The following CAMSAP3 variants were observed in gnomAD, a reference collection of about 807,000 sequenced individuals.
The protein encoded by CAMSAP3 is calmodulin regulated spectrin associated protein family member 3.
A neutral mutation model predicts 112.5 loss-of-function variants in CAMSAP3; 34 were observed. The observed-to-expected ratio is 0.30, with a 90% CI of 0.23 to 0.40. The LOEUF is 0.40. Among genes scored for constraint, CAMSAP3 ranks in the 10% least tolerant of loss-of-function variants. The pLI is 1.00. For synonymous variants in CAMSAP3, 868 were observed against 799.8 expected (o/e 1.09, Z -1.44); for missense variants, 1,602 against 1,770.3 (o/e 0.90, Z 1.71).
At chr19:7,602,965 G>A (rs1371589329) in intron 1 of CAMSAP3, among the ~76,000 whole-genome samples, 1 of 152,028 alleles carries the variant, frequency 6.6e-6, no homozygotes, top group African/African-American at 2.4e-5. Context: ...GAGGAAGTGA[G>A]CCTGAAATAC....
At chr19:7,608,766 C>G (rs1474686460) in intron 5 of CAMSAP3, among the ~76,000 whole-genome samples, 1 of 151,224 alleles carries the variant, frequency 6.6e-6, no homozygotes, top group Admixed American at 6.6e-5. Context: ...TCCTGAGTAG[C>G]TGGGACTACA....
At chr19:7,605,201 G>T in intron 1 of CAMSAP3, 25 bp from the exon 2 acceptor site, 1 of 1,421,842 alleles carries the variant, frequency 7.0e-7, no homozygotes, top group Non-Finnish European at 9.4e-7. Context: ...CCTGACCCCC[G>T]TGTTTCCCCT....
At position 7,615,180 on chromosome 19, in the gene CAMSAP3, C is replaced by G. The variant is rs771179628; in HGVS notation, c.2671-3C>G. The G allele has an allele frequency of 6.4e-7, 1 of 1,554,676 alleles. No homozygotes were observed. The highest frequency in any genetic ancestry group is 8.7e-7 in the Non-Finnish European group (1 of 1,149,494). The stretch of plus-strand genomic sequence containing the variant: ...GCTGGCTGGACTCGGCGTCTGTCCC[C>G]AGGATGAAGACAAGCCTGAGGACGA... On this transcript the variant is annotated splice_region_variant and splice_polypyrimidine_tract_variant and intron_variant, in intron 11 of 16. Transcript: ENST00000160298. The surrounding 1 kb of genome is among the most constrained non-coding windows in gnomAD (Gnocchi z 6.5).
chr19:7,615,106 G>C lies in CAMSAP3; in HGVS notation c.2671-77G>C. 6.6e-7 allele frequency: 1 copy of C among 1,526,626 alleles called. No homozygotes were observed. The highest frequency in any genetic ancestry group is 1.2e-5 in the South Asian group (1 of 83,502). The allele number at this position is 1,526,626 out of a possible 1,614,324, so 94.6% of individuals were successfully genotyped here. A position where few individuals can be genotyped will look rare whatever the true frequency, so the allele number is the denominator to read the frequency against. ...CAAAAGCACAGGTGGGTGGCGGGCAGGCTGGGTGGAGGGAAGATGGGCCTC... is the reference window on the plus strand; with the variant it reads ...CAAAAGCACAGGTGGGTGGCGGGCACGCTGGGTGGAGGGAAGATGGGCCTC... On this transcript the variant is annotated intron_variant, in intron 11 of 16. Transcript: ENST00000160298. This position sits in a 1 kb window ranked among gnomAD's most constrained non-coding sequence, Gnocchi z 6.5.
rs374558137 is a variant in CAMSAP3 at position 7,607,811 on chromosome 19, C to T, written c.622-315C>T. On this transcript the variant is annotated intron_variant, in intron 4 of 16. Coordinates refer to ENST00000160298, the MANE Select transcript of CAMSAP3 (RefSeq NM_020902.2). The surrounding 1 kb of genome is among the most constrained non-coding windows in gnomAD (Gnocchi z 4.9). ...CTCCCCCTTGCTGATGGCTGCTCCT[C>T]TCCCCCCAGCACGCAATTGCCTTCT... 5.4e-6 allele frequency: 7 copies of T among 1,307,056 alleles called. No homozygotes were observed. In the Admixed American group the frequency reaches 7.6e-5, roughly 14 times the overall value. The allele number at this position is 1,307,056 out of a possible 1,614,324, so 81.0% of individuals were successfully genotyped here.
chr19:7,600,963 T>TATCC lies in CAMSAP3; in HGVS notation c.149-4242_149-4239dup, dbSNP rs528936186. 3.7e-3 allele frequency among the ~76,000 whole-genome samples: 464 copies of TATCC among 124,418 alleles called. 1 individual carries two copies. The highest frequency in any genetic ancestry group is 0.012 in the African/African-American group (386 of 32,832). The allele number at this position is 124,418 out of a possible 152,430, so 81.6% of individuals were successfully genotyped here. ...CCATTCACCCACCCATTCATCCATTTATCCATCCATCCATCCATCCATCCT... is the reference window on the plus strand; with the variant it reads ...CCATTCACCCACCCATTCATCCATTTATCCATCCATCCATCCATCCATCCATCCT... On this transcript the variant is annotated intron_variant, in intron 1 of 16. Coordinates refer to ENST00000160298, the MANE Select transcript of CAMSAP3 (RefSeq NM_020902.2).
At position 7,612,944 on chromosome 19, in the gene CAMSAP3, GGTGCCC is replaced by G. The variant is rs770090389; in HGVS notation, c.2456_2461del (p.Pro819_Val820del). On this transcript the variant is annotated inframe_deletion, in exon 11 of 17. Transcript: ENST00000160298. ...ACCTGCGCAAGTTCTCGCCGAGCCA[GGTGCCC>G]GTGCAGACGCGCTCTTCCATCCTCC... 6.2e-7 allele frequency: 1 copy of G among 1,609,000 alleles called. No individual in the cohort carries two copies. The highest frequency in any genetic ancestry group is 2.2e-5 in the East Asian group (1 of 44,608).
At chr19:7,601,180 T>C (rs754481295) in intron 1 of CAMSAP3, among the ~76,000 whole-genome samples, 2 of 152,214 alleles carry the variant, frequency 1.3e-5, no homozygotes, top group Non-Finnish European at 2.9e-5. Flanking sequence ...TATTTTTATG[T>C]TGATTACATG....
chr19:7,617,211 C>A lies in CAMSAP3; in HGVS notation c.3213-115C>A. On this transcript the variant is annotated intron_variant, in intron 14 of 16. Coordinates refer to ENST00000160298, the MANE Select transcript of CAMSAP3 (RefSeq NM_020902.2). This position sits in a 1 kb window ranked among gnomAD's most constrained non-coding sequence, Gnocchi z 7.5. ...GGATTACAGGCATGAGCCACGATGC[C>A]CAGCCGTGGCCCTTATTTTCCTTGG... is the stretch of plus-strand genomic sequence containing the variant. The A allele has an allele frequency of 1.3e-6, 1 of 764,860 alleles. No homozygotes were observed. The highest frequency in any genetic ancestry group is 1.5e-5 in the South Asian group (1 of 66,102). 47.4% of individuals were successfully genotyped at this position (764,860 alleles called of 1,614,324 possible).
rs1252786925 is a variant in CAMSAP3 at position 7,606,403 on chromosome 19, GT to G, written c.525+12del. On this transcript the variant is annotated intron_variant, in intron 3 of 16. Transcript: ENST00000160298. ...TTTCTGGGTGGACACGGTAGGTGGG[GT>G]TGGGCCTGGGGTGGGTTCGGGGACC... 6.2e-7 allele frequency: 1 copy of G among 1,612,386 alleles called. No individual in the cohort carries two copies. The highest frequency in any genetic ancestry group is 8.5e-7 in the Non-Finnish European group (1 of 1,179,076).
intron 1 of CAMSAP3, among the ~76,000 whole-genome samples, chr19:7,600,227 C>T (rs1481457987): frequency 1.2e-3 from 3 of 2,464 alleles, no homozygotes; most frequent in Non-Finnish European, 2.6e-3. Context: ...ATCTATCCTT[C>T]CACCCACCCA....
At position 7,617,353 on chromosome 19, in the gene CAMSAP3, C is replaced by T; in HGVS notation, c.3240C>T (p.Ser1080=). The change falls in exon 15 of 17, where the codon TCC becomes TCT. Residue 1080 remains serine (S), a synonymous_variant. Coordinates refer to ENST00000160298, the MANE Select transcript of CAMSAP3 (RefSeq NM_020902.2). The surrounding 1 kb of genome is among the most constrained non-coding windows in gnomAD (Gnocchi z 7.5). ...CTCCCTCCCCGTCAGGTCTCATGTC[C>T]CCAAGCCGCCTGCCTGGAAGCCGCG... ...SRAPSPSGLM[S]PSRLPGSRER... 1.2e-6 allele frequency: 2 copies of T among 1,614,092 alleles called. No individual in the cohort carries two copies. The highest frequency in any genetic ancestry group is 3.3e-5 in the Admixed American group (2 of 60,028).
rs538393056 is a variant in CAMSAP3, at chr19:7,610,047, A to T, written c.761-429A>T. On this transcript the variant is annotated intron_variant, in intron 5 of 16. Coordinates refer to ENST00000160298, the MANE Select transcript of CAMSAP3 (RefSeq NM_020902.2). The surrounding 1 kb of genome is among the most constrained non-coding windows in gnomAD (Gnocchi z 4.9). ...CATATAATTCACCTCGGCCGGGTAC[A>T]GTGGCTCACGCCTGTAATCCCAGCA... is the stretch of plus-strand genomic sequence containing the variant. Among the ~76,000 whole-genome samples the T allele has an allele frequency of 1.3e-5, 2 of 152,088 alleles. No homozygotes were observed. The highest frequency in any genetic ancestry group is 6.5e-5 in the Admixed American group (1 of 15,270).
chr19:7,616,517 C>T lies in CAMSAP3; in HGVS notation c.3113-6C>T. 1 of 1,607,274 alleles carries T rather than the reference C, an allele frequency of 6.2e-7. No individual in the cohort carries two copies. The highest frequency in any genetic ancestry group is 8.5e-7 in the Non-Finnish European group (1 of 1,174,180). ...GTGGGCACTGACCTGCAATCTCTGTCCCCAGGCTCTCGGCTGAGCAAAATC... is the reference window on the plus strand; with the variant it reads ...GTGGGCACTGACCTGCAATCTCTGTTCCCAGGCTCTCGGCTGAGCAAAATC... On this transcript the variant is annotated splice_polypyrimidine_tract_variant and splice_region_variant and intron_variant, in intron 13 of 16. Transcript: ENST00000160298.
chr19:7,609,059 C>T (rs931338786), intron 5 of CAMSAP3, among the ~76,000 whole-genome samples: 36 of 151,638 alleles, frequency 2.4e-4, no homozygotes, highest in African/African-American at 6.1e-4. Flanking sequence ...TGGTGGCTCA[C>T]GCCTGTAATC....
rs1367259401 is a variant in CAMSAP3, at chr19:7,612,405, C to T, written c.1912C>T (p.Leu638=). ...HRQRLGKSAF[L]QVQPREASGE... Reference sequence around the variant, plus strand: ...CCAGCGGCTGGGCAAAAGCGCCTTCCTGCAGGTGCAGCCGCGGGAAGCCTC... The same window carrying T: ...CCAGCGGCTGGGCAAAAGCGCCTTCTTGCAGGTGCAGCCGCGGGAAGCCTC... Residue 638 remains leucine, a synonymous_variant, in exon 11 of 17, where the codon CTG becomes TTG. Transcript: ENST00000160298. 6.3e-7 allele frequency: 1 copy of T among 1,595,282 alleles called. No individual in the cohort carries two copies. Among genetic ancestry groups the T allele is most frequent in the Admixed American group, 1.7e-5 (1 of 57,966 alleles).
chr19:7,597,350 T>C (rs184255169), intron 1 of CAMSAP3, among the ~76,000 whole-genome samples: 17 of 152,234 alleles, frequency 1.1e-4, no homozygotes, highest in Admixed American at 2.6e-4. Context: ...AAGAAAGAGA[T>C]TGGGCATTGG....
At chr19:7,614,242 A>G (rs1470532676) in intron 11 of CAMSAP3, among the ~76,000 whole-genome samples, 3 of 109,154 alleles carry the variant, frequency 2.7e-5, no homozygotes, top group Admixed American at 9.9e-5. Context: ...CCTGGGCAAC[A>G]GAGCGAGACT....
intron 13 of CAMSAP3, 189 bp from the exon 14 acceptor site, chr19:7,616,334 T>A (rs191542001): frequency 1.6e-4 from 89 of 568,476 alleles, no homozygotes; most frequent in Non-Finnish European, 2.6e-4. Context: ...GACCCAGTGC[T>A]GCTCCCCACT....
Sources: allele counts gnomAD v4.1 joint callset (sites outside exome capture counted in the v4.1 genomes callset), GRCh38; gene constraint gnomAD v4.1.1; non-coding constraint Gnocchi (gnomAD v3.1); transcripts MANE v1.5; gene names NCBI Gene and HGNC (gene_info 2026-07-23, HGNC 2026-07-21).